Variants in PHF14 observed in about 807,000 individuals in gnomAD.
The protein encoded by PHF14 is PHD finger protein 14.
PHF14 carries 55 observed loss-of-function variants against 117.9 expected under a neutral mutation model. The observed-to-expected ratio is 0.47, with a 90% CI of 0.38 to 0.58. The LOEUF is 0.58. Among genes scored for constraint, PHF14 ranks in the 20% least tolerant of loss-of-function variants. PHF14 has a pLI of 0.00. For synonymous variants in PHF14, 409 were observed against 368.6 expected (o/e 1.11, Z -1.26); for missense variants, 978 against 1,122.2 (o/e 0.87, Z 1.84).
chr7:11,145,711 A>G (rs1788531484), intron 17 of PHF14, among the ~76,000 whole-genome samples: 2 of 152,126 alleles, frequency 1.3e-5, no homozygotes, highest in Admixed American at 6.5e-5. Flanking sequence ...TACCACAAGG[A>G]AATATACTAA....
rs149658568 is a variant in PHF14, at chr7:11,161,102, G to A, written c.2773-8314G>A. Among the ~76,000 whole-genome samples, 1,071 of 152,252 alleles carry A rather than the reference G, an allele frequency of 7.0e-3. 8 individuals carry two copies. The highest frequency in any genetic ancestry group is 0.012 in the Non-Finnish European group (835 of 68,000). On this transcript the variant is annotated intron_variant, in intron 17 of 17. Coordinates refer to ENST00000634607, the MANE Select transcript of PHF14 (RefSeq NM_001007157.2). The stretch of plus-strand genomic sequence containing the variant: ...AGTTAATTTTTGCATATGGTGAAAT[G>A]TAGGGCTCCAGTTTCATTCTTCTGC...
chr7:11,121,968 G>T (rs1056848189), intron 17 of PHF14, among the ~76,000 whole-genome samples: 1 of 151,624 alleles, frequency 6.6e-6, no homozygotes, highest in Non-Finnish European at 1.5e-5. Context: ...GACGTTTTAA[G>T]CCCTGCATGC....
rs1411169384 is a variant in PHF14 at position 11,103,710 on chromosome 7, ATGT to A, written c.2655-7638_2655-7636del. The A allele has an allele frequency of 5.4e-5, 53 of 984,038 alleles. No homozygotes were observed. In the Admixed American group the frequency reaches 1.1e-3, roughly 20 times the overall value. 61.0% of individuals were successfully genotyped at this position (984,038 alleles called of 1,614,324 possible). A position where few individuals can be genotyped will look rare whatever the true frequency, so the allele number is the denominator to read the frequency against. On this transcript the variant is annotated intron_variant, in intron 16 of 17. Transcript: ENST00000634607. ...TTAAACTTTAGGAATAGAGTAGGTA[ATGT>A]TATAGATAATCAAAAGCAATTGTAA...
At chr7:10,988,227 T>A (rs1185403401) in intron 3 of PHF14, among the ~76,000 whole-genome samples, 1 of 152,102 alleles carries the variant, frequency 6.6e-6, no homozygotes, top group Non-Finnish European at 1.5e-5. Context: ...CCAGAAACAT[T>A]AGTTAATGTT....
At chr7:11,016,156 C>T (rs1176314542) in intron 5 of PHF14, among the ~76,000 whole-genome samples, 1 of 152,006 alleles carries the variant, frequency 6.6e-6, no homozygotes, top group African/African-American at 2.4e-5. Flanking sequence ...ATGGTGCAAT[C>T]TGGCAAAAAT....
chr7:10,978,689 A>G (rs1475177765), intron 2 of PHF14, among the ~76,000 whole-genome samples: 3 of 152,168 alleles, frequency 2.0e-5, no homozygotes, highest in Non-Finnish European at 4.4e-5. Context: ...TTTAGCAACA[A>G]CAACCTTTTC....
intron 16 of PHF14, among the ~76,000 whole-genome samples, chr7:11,081,871 G>C (rs1786122081): frequency 6.6e-6 from 1 of 151,330 alleles, no homozygotes; most frequent in Non-Finnish European, 1.5e-5. Context: ...AAAAAAAAGA[G>C]ATTTATGATC....
At chr7:11,160,690 A>G (rs1210543190) in intron 17 of PHF14, among the ~76,000 whole-genome samples, 1 of 151,998 alleles carries the variant, frequency 6.6e-6, no homozygotes, top group African/African-American at 2.4e-5. Flanking sequence ...GCATTTTTTC[A>G]TATGTTTGTT....
At chr7:10,989,339 A>G (rs1020468928) in intron 3 of PHF14, among the ~76,000 whole-genome samples, 2 of 152,102 alleles carry the variant, frequency 1.3e-5, no homozygotes, top group African/African-American at 2.4e-5. Flanking sequence ...TTAAAAGAAT[A>G]TAAAAATATA....
At chr7:11,089,110 G>C (rs901608702) in intron 16 of PHF14, among the ~76,000 whole-genome samples, 2 of 150,416 alleles carry the variant, frequency 1.3e-5, no homozygotes, top group African/African-American at 4.9e-5. Context: ...AAAAAAAACC[G>C]TAGCCCTGAT....
intron 7 of PHF14, among the ~76,000 whole-genome samples, chr7:11,033,841 AT>A (rs1784214698): frequency 6.6e-6 from 1 of 152,162 alleles, no homozygotes; most frequent in Non-Finnish European, 1.5e-5. Flanking sequence ...TGTCACCAAG[AT>A]TTAGAGCATG....
intron 13 of PHF14, among the ~76,000 whole-genome samples, chr7:11,043,392 A>G (rs530218986): frequency 6.6e-6 from 1 of 152,190 alleles, no homozygotes; most frequent in South Asian, 2.1e-4. Context: ...AGAAAGGGAC[A>G]GATGTTCAGA....
intron 4 of PHF14, chr7:11,006,455 G>A (rs904581981): frequency 4.5e-5 from 24 of 534,964 alleles, no homozygotes; most frequent in Middle Eastern, 6.2e-4. Flanking sequence ...GGAGCCAGTC[G>A]AACATATGCC....
intron 2 of PHF14, among the ~76,000 whole-genome samples, chr7:10,982,018 A>C (rs551954729): frequency 6.6e-6 from 1 of 152,230 alleles, no homozygotes; most frequent in South Asian, 2.1e-4. Context: ...TAAAATTAAA[A>C]TCAAGTGCCC....
chr7:11,134,852 A>G (rs920607039), intron 17 of PHF14, among the ~76,000 whole-genome samples: 5 of 152,170 alleles, frequency 3.3e-5, no homozygotes, highest in African/African-American at 1.2e-4. Context: ...TACACAATGA[A>G]TAATTCAGTA....
chr7:11,008,818 G>A (rs534246062), intron 4 of PHF14, among the ~76,000 whole-genome samples: 1 of 151,914 alleles, frequency 6.6e-6, no homozygotes, highest in Non-Finnish European at 1.5e-5. Flanking sequence ...GGTGGATCAC[G>A]AGGTCAGGAG....
At chr7:11,111,062 A>G (rs74425508) in intron 16 of PHF14, 7,604 of 231,610 alleles carry the variant, frequency 0.033, 181 homozygotes, top group African/African-American at 0.07. Flanking sequence ...ACACATGATT[A>G]TACATATACG....
At chr7:11,100,069 C>T (rs1281970712) in intron 16 of PHF14, among the ~76,000 whole-genome samples, 1 of 152,018 alleles carries the variant, frequency 6.6e-6, no homozygotes, top group Non-Finnish European at 1.5e-5. Flanking sequence ...GAAAAGCCAA[C>T]TATATTGTTT....
chr7:11,149,879 C>G (rs1300776536), intron 17 of PHF14, among the ~76,000 whole-genome samples: 1 of 151,872 alleles, frequency 6.6e-6, no homozygotes, highest in Non-Finnish European at 1.5e-5. Context: ...TTTTATACTT[C>G]ATATCTTTCT....
Sources: gnomAD v4.1 joint callset for allele counts (sites outside exome capture counted in the v4.1 genomes callset) on GRCh38, gnomAD v4.1.1 for gene constraint, MANE v1.5 for transcripts, NCBI Gene and HGNC (gene_info 2026-07-23, HGNC 2026-07-21) for gene names.